The following TAFA4 variants were observed in gnomAD, a reference collection of about 807,000 sequenced individuals.
TAFA4 encodes TAFA chemokine like family member 4, also known as chemokine-like protein TAFA-4.
Under a neutral mutation model 21.1 loss-of-function variants are expected in TAFA4, and 20 were observed. The observed-to-expected ratio is 0.95, with a 90% CI of 0.67 to 1.38. The LOEUF is 1.38. TAFA4 is among the 40% of genes most tolerant of loss of function. TAFA4 has a pLI of 0.00. For synonymous variants in TAFA4, 71 were observed against 67.4 expected, an observed-to-expected ratio of 1.05 and a Z score of -0.26; for missense variants, 211 against 180.9, an observed-to-expected ratio of 1.17 and a Z score of -0.95.
chr3:68,741,517 G>A (rs776518721), intron 4 of TAFA4, among the ~76,000 whole-genome samples: 41 of 152,164 alleles, frequency 2.7e-4, no homozygotes, highest in East Asian at 3.9e-4. Flanking sequence ...GAACTTGGCC[G>A]GGTGCCGTGA....
rs1559754339 is a variant in TAFA4, at chr3:68,739,218, A to G, written c.287-19T>C. ...ATGGAAGCTGGAAAACAAAGGCCAA[A>G]TAATATTTGTGACACTGTTTCTTCC... is the stretch of plus-strand genomic sequence containing the variant. On this transcript the variant is annotated intron_variant, in intron 4 of 5. Coordinates refer to ENST00000295569, the MANE Select transcript of TAFA4 (RefSeq NM_182522.5). The G allele has an allele frequency of 4.3e-6, 7 of 1,613,148 alleles. No homozygotes were observed. The highest frequency in any genetic ancestry group is 3.3e-5 in the Admixed American group (2 of 59,972).
chr3:68,791,970 G>A (rs1048496871), intron 3 of TAFA4, among the ~76,000 whole-genome samples: 10 of 152,138 alleles, frequency 6.6e-5, no homozygotes, highest in African/African-American at 2.4e-4. Context: ...GTACCCTAAG[G>A]CAGAGATTTA....
At chr3:68,761,857 G>C (rs1702760271) in intron 3 of TAFA4, among the ~76,000 whole-genome samples, 1 of 152,142 alleles carries the variant, frequency 6.6e-6, no homozygotes, top group Admixed American at 6.6e-5. Flanking sequence ...TCTGGAAGTA[G>C]AGGCTTCTAG....
chr3:68,806,779 C>A (rs1331006153), intron 3 of TAFA4, among the ~76,000 whole-genome samples: 1 of 152,104 alleles, frequency 6.6e-6, no homozygotes, highest in Non-Finnish European at 1.5e-5. Flanking sequence ...CTACTCTCTA[C>A]CATGAGAAAA....
chr3:68,839,523 A>C (rs915465373), intron 3 of TAFA4, among the ~76,000 whole-genome samples: 1 of 152,208 alleles, frequency 6.6e-6, no homozygotes, highest in African/African-American at 2.4e-5. Context: ...TGTAAATGAG[A>C]AAGATTCCAA....
chr3:68,870,406 A>G (rs1250536574), intron 3 of TAFA4, among the ~76,000 whole-genome samples: 1 of 152,062 alleles, frequency 6.6e-6, no homozygotes, highest in African/African-American at 2.4e-5. Context: ...TCCGAACTGG[A>G]CAAAAAGAAC....
At chr3:68,843,954 T>A (rs1320909130) in intron 3 of TAFA4, among the ~76,000 whole-genome samples, 2 of 152,264 alleles carry the variant, frequency 1.3e-5, no homozygotes, top group African/African-American at 4.8e-5. Context: ...TCGGTGTCCA[T>A]CAGGGATAAT....
At chr3:68,750,161 A>T (rs945374579) in intron 4 of TAFA4, among the ~76,000 whole-genome samples, 2 of 152,138 alleles carry the variant, frequency 1.3e-5, no homozygotes, top group African/African-American at 4.8e-5. Flanking sequence ...GCCAGGTGTA[A>T]TGGCTCACAC....
At chr3:68,924,007 A>G (rs1439672423) in intron 1 of TAFA4, among the ~76,000 whole-genome samples, 1 of 152,256 alleles carries the variant, frequency 6.6e-6, no homozygotes, top group African/African-American at 2.4e-5. Context: ...ATTAAATCAG[A>G]TAGCACAAAA....
intron 3 of TAFA4, among the ~76,000 whole-genome samples, chr3:68,847,960 C>T (rs1030731480): frequency 3.9e-5 from 6 of 152,214 alleles, no homozygotes; most frequent in African/African-American, 7.2e-5. Flanking sequence ...AGACCTAATG[C>T]TAAGAACAGC....
At chr3:68,757,024 T>C (rs1017018999) in intron 3 of TAFA4, among the ~76,000 whole-genome samples, 2 of 152,144 alleles carry the variant, frequency 1.3e-5, no homozygotes, top group Non-Finnish European at 2.9e-5. Context: ...GCCAGGATGA[T>C]CCTTTCACAG....
chr3:68,816,821 T>TATTCAATAACTTTATGTCTAAA (rs140759495), intron 3 of TAFA4, among the ~76,000 whole-genome samples: 41,551 of 151,834 alleles, frequency 0.27, 7,012 homozygotes, highest in Non-Finnish European at 0.39. Flanking sequence ...TACTGTAGTC[T>TATTCAATAACTTTATGTCTAAA]ATTCAATAAC....
intron 5 of TAFA4, among the ~76,000 whole-genome samples, chr3:68,733,757 G>A (rs746379601): frequency 3.9e-5 from 6 of 152,072 alleles, no homozygotes; most frequent in Non-Finnish European, 8.8e-5. Context: ...AAAAGCATAA[G>A]ACTTTAACAT....
intron 3 of TAFA4, among the ~76,000 whole-genome samples, chr3:68,805,164 A>C (rs1703664267): frequency 6.6e-6 from 1 of 152,272 alleles, no homozygotes; most frequent in Admixed American, 6.5e-5. Context: ...GACACTTCTC[A>C]AAAGAAGACA....
At chr3:68,780,990 T>C (rs1386946727) in intron 3 of TAFA4, among the ~76,000 whole-genome samples, 1 of 151,914 alleles carries the variant, frequency 6.6e-6, no homozygotes, top group Non-Finnish European at 1.5e-5. Context: ...AAAAGAATAG[T>C]ATTTGGAAAA....
intron 1 of TAFA4, among the ~76,000 whole-genome samples, chr3:68,892,383 A>G (rs943865403): frequency 6.6e-6 from 1 of 152,194 alleles, no homozygotes; most frequent in African/African-American, 2.4e-5. Context: ...AAGTGTTACC[A>G]ATACCATCTC....
chr3:68,896,257 G>A (rs2089788312), intron 1 of TAFA4, among the ~76,000 whole-genome samples: 1 of 152,142 alleles, frequency 6.6e-6, no homozygotes, highest in Non-Finnish European at 1.5e-5. Flanking sequence ...TTAAGCAGGA[G>A]AGAAACAGGA....
At chr3:68,929,218 T>G (rs2090137722) in intron 1 of TAFA4, among the ~76,000 whole-genome samples, 1 of 152,198 alleles carries the variant, frequency 6.6e-6, no homozygotes, top group South Asian at 2.1e-4. Context: ...CATACCATAC[T>G]TAAGTCTCGA....
intron 3 of TAFA4, among the ~76,000 whole-genome samples, chr3:68,794,747 A>G (rs1703423423): frequency 6.6e-6 from 1 of 152,144 alleles, no homozygotes; most frequent in Non-Finnish European, 1.5e-5. Context: ...TCCATACCTC[A>G]GAAAGCATGA....
Sources: gnomAD v4.1 joint callset for allele counts (sites outside exome capture counted in the v4.1 genomes callset) on GRCh38, gnomAD v4.1.1 for gene constraint, MANE v1.5 for transcripts, NCBI Gene and HGNC (gene_info 2026-07-23, HGNC 2026-07-21) for gene names.